The following NOL10 variants were observed in gnomAD, a reference collection of about 807,000 sequenced individuals.
NOL10 encodes H_NH0074G24.1.
In NOL10, 58 loss-of-function variants were observed where a neutral mutation model predicts 103.5. That is an observed-to-expected ratio of 0.56 (90% CI 0.45 to 0.70). The LOEUF (loss-of-function observed/expected upper bound fraction) is 0.70. Among genes scored for constraint, NOL10 ranks in the 30% least tolerant of loss-of-function variants. The pLI, the probability that NOL10 is intolerant of heterozygous loss-of-function variation, is 0.00. For missense variants in NOL10, 763 were observed against 807.3 expected (o/e 0.95, Z 0.67); for synonymous variants, 287 against 282.5 (o/e 1.02, Z -0.16).
rs368518652 is a variant in NOL10, at chr2:10,689,912, C to G, written c.-51G>C. ...CCGGGTCCTTTCCCACCAGCGTGCT[C>G]GAGCACCGTAATCCCGGGACCTCCG... On this transcript the variant is annotated 5_prime_UTR_variant, in exon 1 of 21. Transcript: ENST00000381685. 9.7e-6 allele frequency: 15 copies of G among 1,544,976 alleles called. No individual in the cohort carries two copies. The South Asian group carries it at 1.1e-4, about 11-fold the overall frequency.
intron 13 of NOL10, among the ~76,000 whole-genome samples, chr2:10,638,220 A>G (rs917622747): frequency 6.6e-6 from 1 of 152,088 alleles, no homozygotes; most frequent in African/African-American, 2.4e-5. Context: ...CAAAGGATGA[A>G]GCTGCAGTGA....
intron 8 of NOL10, among the ~76,000 whole-genome samples, chr2:10,665,624 G>C (rs1158534802): frequency 6.6e-6 from 1 of 152,168 alleles, no homozygotes; most frequent in East Asian, 1.9e-4. Flanking sequence ...CCAGCTGCTG[G>C]AAGAGCAGCA....
chr2:10,682,631 G>C (rs1013718575), intron 2 of NOL10, among the ~76,000 whole-genome samples: 1 of 151,694 alleles, frequency 6.6e-6, no homozygotes, highest in African/African-American at 2.4e-5. Context: ...AACTTCTAGG[G>C]CCAAGCAATC....
At chr2:10,681,291 AAAAG>A (rs941889213) in intron 3 of NOL10, among the ~76,000 whole-genome samples, 10 of 152,342 alleles carry the variant, frequency 6.6e-5, no homozygotes, top group Admixed American at 2.6e-4. Flanking sequence ...ATAAAAAAAA[AAAAG>A]AAGCTATTGA....
intron 19 of NOL10, among the ~76,000 whole-genome samples, chr2:10,581,144 G>T (rs369835290): frequency 1.3e-5 from 2 of 152,306 alleles, no homozygotes; most frequent in African/African-American, 4.8e-5. Context: ...GAAATCTGAT[G>T]CCTCATCTAT....
At chr2:10,597,935 T>C (rs1266607092) in intron 17 of NOL10, among the ~76,000 whole-genome samples, 1 of 152,182 alleles carries the variant, frequency 6.6e-6, no homozygotes, top group Non-Finnish European at 1.5e-5. Context: ...AATAATCAAA[T>C]GCCATCCTGA....
intron 13 of NOL10, among the ~76,000 whole-genome samples, chr2:10,627,619 G>C: frequency 6.6e-6 from 1 of 151,986 alleles, no homozygotes; most frequent in Non-Finnish European, 1.5e-5. Flanking sequence ...AGGTTGCAGT[G>C]AGCTGAGACT....
At chr2:10,661,001 C>G (rs144531492) in intron 9 of NOL10, among the ~76,000 whole-genome samples, 123 of 151,746 alleles carry the variant, frequency 8.1e-4, no homozygotes, top group African/African-American at 2.9e-3. Flanking sequence ...TTTTAACACT[C>G]GGGTATACAT....
chr2:10,607,233 CTG>C lies in NOL10; in HGVS notation c.1103_1104del (p.Thr368SerfsTer3). 1.2e-6 allele frequency: 2 copies of C among 1,607,550 alleles called. No individual in the cohort carries two copies. The highest frequency in any genetic ancestry group is 1.7e-6 in the Non-Finnish European group (2 of 1,176,348). The part of the protein sequence containing the change: ...TEELEENPES[T>X]VYDDYKFVTK... ...GTGACAAATTTATAATCATCATAGA[CTG>C]TGCTTTCTGGATTCTCTTCTAATTC... On this transcript the variant is annotated frameshift_variant, in exon 14 of 21. Coordinates refer to ENST00000381685, the MANE Select transcript of NOL10 (RefSeq NM_024894.4). LOFTEE classifies it high-confidence loss of function.
chr2:10,608,481 A>C (rs1183169084), intron 13 of NOL10, among the ~76,000 whole-genome samples: 1 of 151,162 alleles, frequency 6.6e-6, no homozygotes, highest in Non-Finnish European at 1.5e-5. Flanking sequence ...CTCAGTCAAC[A>C]GAGAAGATAT....
At chr2:10,642,193 C>G (rs1331033623) in intron 13 of NOL10, among the ~76,000 whole-genome samples, 1 of 152,224 alleles carries the variant, frequency 6.6e-6, no homozygotes, top group Non-Finnish European at 1.5e-5. Flanking sequence ...TTCTTGTGAT[C>G]TATACAGCTC....
At chr2:10,627,340 G>A (rs1393604541) in intron 13 of NOL10, among the ~76,000 whole-genome samples, 2 of 151,998 alleles carry the variant, frequency 1.3e-5, no homozygotes, top group East Asian at 1.9e-4. Flanking sequence ...ACCTTTCTTG[G>A]AGAATAAAAT....
Position 10,589,586 on chromosome 2 carries a change from G to A in NOL10, c.1588C>T (p.Arg530Cys), listed in dbSNP as rs749214861. 1.6e-5 allele frequency: 25 copies of A among 1,560,712 alleles called. No homozygotes were observed. In the South Asian group the frequency reaches 1.7e-4, roughly 11 times the overall value. ...KLRLLEQQEL[R>C]EKEEEEEPEG... ...GATAAGGAGTACATTACTTTTTCAC[G>A]AAGTTCTTGTTGCTCTAAGAGTCTT... Residue 530 changes from arginine to cysteine, a missense_variant, in exon 18 of 21, where the codon CGT (arginine) becomes TGT (cysteine). Transcript: ENST00000381685.
intron 11 of NOL10, among the ~76,000 whole-genome samples, chr2:10,655,745 G>A (rs1423007454): frequency 6.6e-6 from 1 of 152,170 alleles, no homozygotes; most frequent in Non-Finnish European, 1.5e-5. Context: ...AAGTGATGTT[G>A]AAAATTTCTG....
chr2:10,654,533 A>G lies in NOL10; in HGVS notation c.921T>C (p.Thr307=). ...MWNKNSGKIF[T]SLEPEHDLND... ...TAAGGTCATGCTCTGGCTCCAAGGA[A>G]GTAAATATTTTTCCCTAAAAATAGC... Residue 307 remains threonine (T), a synonymous_variant, in exon 12 of 21, where the codon ACT becomes ACC. Transcript: ENST00000381685. 6.3e-7 allele frequency: 1 copy of G among 1,594,974 alleles called. No homozygotes were observed. The highest frequency in any genetic ancestry group is 8.5e-7 in the Non-Finnish European group (1 of 1,174,528).
intron 19 of NOL10, among the ~76,000 whole-genome samples, chr2:10,578,237 T>A (rs1263832466): frequency 6.6e-6 from 1 of 152,194 alleles, no homozygotes; most frequent in Non-Finnish European, 1.5e-5. Flanking sequence ...GCTATGATAA[T>A]TCTCGTTTTT....
intron 13 of NOL10, among the ~76,000 whole-genome samples, chr2:10,635,072 T>C (rs1259185201): frequency 6.6e-6 from 1 of 152,206 alleles, no homozygotes; most frequent in African/African-American, 2.4e-5. Flanking sequence ...TAATGAGATA[T>C]CTTGGGATGA....
At chr2:10,682,629 G>T (rs1425632580) in intron 2 of NOL10, among the ~76,000 whole-genome samples, 1 of 151,550 alleles carries the variant, frequency 6.6e-6, no homozygotes, top group East Asian at 2.0e-4. Context: ...CAAACTTCTA[G>T]GGCCAAGCAA....
chr2:10,657,314 CA>C (rs555233664), intron 11 of NOL10, among the ~76,000 whole-genome samples: 91 of 139,510 alleles, frequency 6.5e-4, no homozygotes, highest in Middle Eastern at 3.8e-3. Context: ...CAAACTCTCT[CA>C]AAAAAAAAAA....
Sources: gnomAD v4.1 joint callset for allele counts (sites outside exome capture counted in the v4.1 genomes callset) on GRCh38, gnomAD v4.1.1 for gene constraint, MANE v1.5 for transcripts, NCBI Gene and HGNC (gene_info 2026-07-23, HGNC 2026-07-21) for gene names.